The following THAP9 variants were observed in gnomAD, a reference collection of about 807,000 sequenced individuals.
THAP9 encodes the protein THAP domain containing 9, also known as DNA transposase THAP9.
Under a neutral mutation model 35.7 loss-of-function variants are expected in THAP9, and 20 were observed. The observed-to-expected ratio is 0.56, with a 90% CI of 0.39 to 0.81. THAP9 has a LOEUF of 0.81. Among genes scored for constraint, THAP9 ranks in the 40% least tolerant of loss-of-function variants. THAP9 has a pLI of 0.00. For synonymous variants in THAP9, 335 were observed against 373.7 expected (o/e 0.90, Z 1.19); for missense variants, 870 against 1,047.4 (o/e 0.83, Z 2.34).
rs1448330158 is a variant in THAP9 at position 82,904,925 on chromosome 4, A to C, written c.270A>C (p.Leu90=). 3 of 1,613,644 alleles carry C rather than the reference A, an allele frequency of 1.9e-6. No homozygotes were observed. The highest frequency in any genetic ancestry group is 1.3e-5 in the African/African-American group (1 of 74,858). The change falls in exon 2 of 5, where the codon CTA becomes CTC. Residue 90 remains leucine (L), a synonymous_variant. Transcript: ENST00000302236. ...AAGGAGCTGTGCCTTCTGTTTCTCTATACAAGGTATTTAAATGTAGGTGTA... is the reference window on the plus strand; with the variant it reads ...AAGGAGCTGTGCCTTCTGTTTCTCTCTACAAGGTATTTAAATGTAGGTGTA... The part of the protein sequence containing the change: ...LKKGAVPSVS[L]YKIPQGVHLK...
Position 82,917,578 on chromosome 4 carries a change from T to C in THAP9, c.1366T>C (p.Ser456Pro), listed in dbSNP as rs1340660162. 2 of 1,613,932 alleles carry C rather than the reference T, an allele frequency of 1.2e-6. No homozygotes were observed. The highest frequency in any genetic ancestry group is 1.7e-6 in the Non-Finnish European group (2 of 1,179,970). The change falls in exon 5 of 5, where the codon TCA (serine) becomes CCA (proline). Residue 456 changes from serine to proline, a missense_variant. Around this residue, in one of 3 missense-constraint regions of THAP9, gnomAD observed 16 missense variants for 45.5 expected, o/e 0.35. Coordinates refer to ENST00000302236, the MANE Select transcript of THAP9 (RefSeq NM_024672.6). The part of the protein sequence containing the change: ...ELVALEEQEL[S>P]NMERIPSTLA... ...AGTAGCACTGGAGGAACAGGAATTA[T>C]CAAATATGGAAAGAATACCAAGTAC...
chr4:82,904,980 T>C (rs1254057612), intron 2 of THAP9, 49 bp downstream of exon 2: 1 of 1,577,776 alleles, frequency 6.3e-7, no homozygotes, highest in Non-Finnish European at 8.6e-7. Flanking sequence ...TACAGAGCCT[T>C]TAAAAATCAA....
At chr4:82,911,983 T>C (rs763650159) in intron 4 of THAP9, among the ~76,000 whole-genome samples, 43 of 152,334 alleles carry the variant, frequency 2.8e-4, no homozygotes, top group South Asian at 6.2e-4. Flanking sequence ...TTGGTTTGGT[T>C]AGATAGGGTG....
intron 1 of THAP9, 45 bp downstream of exon 1, chr4:82,900,927 C>G (rs750980219): frequency 1.2e-5 from 19 of 1,606,494 alleles, no homozygotes; most frequent in African/African-American, 2.7e-5. Context: ...CCCTGCGGGG[C>G]CCGGCGGGCC....
chr4:82,918,548 T>A lies in THAP9; in HGVS notation c.2336T>A (p.Val779Glu), dbSNP rs752590462. 3.1e-6 allele frequency: 5 copies of A among 1,614,124 alleles called. No individual in the cohort carries two copies. In the Admixed American group the frequency reaches 8.3e-5, roughly 27 times the overall value. Residue 779 changes from valine (V) to glutamate (E), a missense_variant, in exon 5 of 5, where the codon GTA becomes GAA. Coordinates refer to ENST00000302236, the MANE Select transcript of THAP9 (RefSeq NM_024672.6). The part of the protein sequence containing the change: ...CRVINICERV[V>E]RTHSRMAIFE... ...GTCATAAATATTTGTGAGCGAGTTG[T>A]AAGAACCCATTCAAGAATGGCAATT...
intron 1 of THAP9, among the ~76,000 whole-genome samples, chr4:82,904,059 T>C (rs112955447): frequency 0.016 from 9 of 550 alleles, no homozygotes; most frequent in African/African-American, 0.035. Context: ...AGGCTCCCCC[T>C]TTTTTTTTTT....
At chr4:82,902,105 C>CTTTTTTTTTTTT (rs768693634) in intron 1 of THAP9, among the ~76,000 whole-genome samples, 1 of 104,494 alleles carries the variant, frequency 9.6e-6, no homozygotes, top group Admixed American at 1.3e-4. Flanking sequence ...CATTTTCCTT[C>CTTTTTTTTTTTT]TTTTTTTTTT....
At position 82,900,842 on chromosome 4, in the gene THAP9, G is replaced by C. The variant is rs1359836579; in HGVS notation, c.40G>C (p.Asp14His). Residue 14 changes from aspartate (D) to histidine (H), a missense_variant, in exon 1 of 5, where the codon GAC (aspartate) becomes CAC (histidine). Around this residue, in one of 3 missense-constraint regions of THAP9, gnomAD observed 440 missense variants for 501.2 expected, o/e 0.88. Coordinates refer to ENST00000302236, the MANE Select transcript of THAP9 (RefSeq NM_024672.6). ...CTCCGCAGTGGGCTGCAGCACCCGT[G>C]ACACCGTGCTCAGCCGGGAGCGCGG... The part of the protein sequence containing the change: ...SCSAVGCSTR[D>H]TVLSRERGLS... The C allele has an allele frequency of 6.2e-7, 1 of 1,613,582 alleles. No homozygotes were observed. The highest frequency in any genetic ancestry group is 1.7e-5 in the Admixed American group (1 of 60,034).
chr4:82,915,735 A>AT (rs780345567), intron 4 of THAP9, among the ~76,000 whole-genome samples: 37 of 152,158 alleles, frequency 2.4e-4, no homozygotes, highest in Non-Finnish European at 4.4e-4. Flanking sequence ...ATCCATGTAT[A>AT]TACAAGTCCT....
rs139068755 is a variant in THAP9 at position 82,906,613 on chromosome 4, G to A, written c.566G>A (p.Arg189Gln). ...TCTGAAGAAACAGAGTGTCTGCTAC[G>A]AGCTCAATTTTCAGGTACTTCCCCC... ...LLSEETECLL[R>Q]AQFSDFKWEL... Residue 189 changes from arginine (R) to glutamine (Q), a missense_variant, in exon 3 of 5, where the codon CGA becomes CAA. Around this residue, in one of 3 missense-constraint regions of THAP9, gnomAD observed 440 missense variants for 501.2 expected, o/e 0.88. Coordinates refer to ENST00000302236, the MANE Select transcript of THAP9 (RefSeq NM_024672.6). 2,939 of 1,592,772 alleles carry A rather than the reference G, an allele frequency of 1.8e-3. 7 individuals carry two copies. The highest frequency in any genetic ancestry group is 6.8e-3 in the South Asian group (594 of 87,774).
Position 82,917,076 on chromosome 4 carries a change from A to G in THAP9, c.864A>G (p.Gln288=). Reference sequence around the variant, plus strand: ...TAATAAAAAGTATGCCTCTCAAGCAACAGCTTCAGTGGGATCCTAGCAGTC... The same window carrying G: ...TAATAAAAAGTATGCCTCTCAAGCAGCAGCTTCAGTGGGATCCTAGCAGTC... ...SLLIKSMPLK[Q]QLQWDPSSHS... is the part of the protein sequence containing the mutation. The change falls in exon 5 of 5, where the codon CAA becomes CAG. Residue 288 remains glutamine, a synonymous_variant. Coordinates refer to ENST00000302236, the MANE Select transcript of THAP9 (RefSeq NM_024672.6). The G allele has an allele frequency of 6.2e-7, 1 of 1,613,592 alleles. No homozygotes were observed. Among genetic ancestry groups the G allele is most frequent in the Non-Finnish European group, 8.5e-7 (1 of 1,179,750 alleles).
chr4:82,909,439 T>TGTGTGC lies in THAP9; in HGVS notation c.731+1505_731+1506insTGTGCG, dbSNP rs1553942152. ...TTTCCTTCCTGTGTGTGTGTGTGTG[T>TGTGTGC]GCACTTAGATTTATTAGTGTTTACA... On this transcript the variant is annotated intron_variant, in intron 4 of 4. Coordinates refer to ENST00000302236, the MANE Select transcript of THAP9 (RefSeq NM_024672.6). 2.6e-5 allele frequency among the ~76,000 whole-genome samples: 4 copies of TGTGTGC among 151,948 alleles called. No homozygotes were observed. The South Asian group carries it at 8.3e-4, about 32-fold the overall frequency.
Position 82,904,917 on chromosome 4 carries a change from G to A in THAP9, c.262G>A (p.Val88Ile), listed in dbSNP as rs756068215. 1.9e-6 allele frequency: 3 copies of A among 1,614,010 alleles called. No homozygotes were observed. The highest frequency in any genetic ancestry group is 2.5e-6 in the Non-Finnish European group (3 of 1,179,988). The change falls in exon 2 of 5, where the codon GTT (valine) becomes ATT (isoleucine). Residue 88 changes from valine (V) to isoleucine (I), a missense_variant. Around this residue, in one of 3 missense-constraint regions of THAP9, gnomAD observed 440 missense variants for 501.2 expected, o/e 0.88. Transcript: ENST00000302236. ...GCTGAAAAAAGGAGCTGTGCCTTCT[G>A]TTTCTCTATACAAGGTATTTAAATG... ...RKLKKGAVPS[V>I]SLYKIPQGVH...
chr4:82,904,058 CTTTTTTT>C (rs59655406), intron 1 of THAP9, among the ~76,000 whole-genome samples: 3 of 82,206 alleles, frequency 3.6e-5, no homozygotes, highest in Non-Finnish European at 4.8e-5. Flanking sequence ...TAGGCTCCCC[CTTTTTTT>C]TTTTTTTTTT....
Position 82,918,964 on chromosome 4 carries a change from G to T in THAP9, c.*40G>T, listed in dbSNP as rs771482620. 6.9e-7 allele frequency: 1 copy of T among 1,439,568 alleles called. No homozygotes were observed. The highest frequency in any genetic ancestry group is 1.4e-5 in the South Asian group (1 of 69,820). The allele number at this position is 1,439,568 out of a possible 1,614,324, so 89.2% of individuals were successfully genotyped here. A position where few individuals can be genotyped will look rare whatever the true frequency, so the allele number is the denominator to read the frequency against. Reference sequence around the variant, plus strand: ...ATTAACATTTTAATTAAGAATACTTGATCAACATTTTTTGAAGTTCAATTT... The same window carrying T: ...ATTAACATTTTAATTAAGAATACTTTATCAACATTTTTTGAAGTTCAATTT... On this transcript the variant is annotated 3_prime_UTR_variant, in exon 5 of 5. Coordinates refer to ENST00000302236, the MANE Select transcript of THAP9 (RefSeq NM_024672.6).
intron 1 of THAP9, among the ~76,000 whole-genome samples, chr4:82,901,992 A>G (rs1419796824): frequency 6.6e-6 from 1 of 152,118 alleles, no homozygotes; most frequent in African/African-American, 2.4e-5. Flanking sequence ...TTTATAGCAT[A>G]TGTAACGCAC....
rs1312941215 is a variant in THAP9, at chr4:82,919,055, T to G, written c.*131T>G. 2.7e-6 allele frequency: 2 copies of G among 727,420 alleles called. No individual in the cohort carries two copies. The highest frequency in any genetic ancestry group is 3.6e-5 in the African/African-American group (2 of 56,048). The allele number at this position is 727,420 out of a possible 1,614,324, so 45.1% of individuals were successfully genotyped here. A position where few individuals can be genotyped will look rare whatever the true frequency, so the allele number is the denominator to read the frequency against. On this transcript the variant is annotated 3_prime_UTR_variant, in exon 5 of 5. Transcript: ENST00000302236. Reference sequence around the variant, plus strand: ...TTTGCAATTCTGACTTATTAAAATTTCAAATTCTGCATATCACAAAATCTC... The same window carrying G: ...TTTGCAATTCTGACTTATTAAAATTGCAAATTCTGCATATCACAAAATCTC...
Position 82,907,818 on chromosome 4 carries a change from C to T in THAP9, c.614C>T (p.Thr205Ile). The T allele has an allele frequency of 1.9e-6, 3 of 1,600,088 alleles. No individual in the cohort carries two copies. The highest frequency in any genetic ancestry group is 2.6e-6 in the Non-Finnish European group (3 of 1,175,408). The change falls in exon 4 of 5, where the codon ACA becomes ATA. Residue 205 changes from threonine to isoleucine, a missense_variant. Physicochemically the swap from Thr to Ile is moderately conservative, Grantham distance 89. Around this residue, in one of 3 missense-constraint regions of THAP9, gnomAD observed 440 missense variants for 501.2 expected, o/e 0.88. Transcript: ENST00000302236. Reference protein sequence around the residue: ...FKWELYNWRETDEYSAEMKQF... With the variant: ...FKWELYNWREIDEYSAEMKQF... ...TGGGAGTTATATAATTGGAGAGAAA[C>T]AGATGAGTACTCCGCAGAAATGAAA...
At chr4:82,907,520 T>G (rs562333339) in intron 3 of THAP9, among the ~76,000 whole-genome samples, 6 of 152,184 alleles carry the variant, frequency 3.9e-5, no homozygotes, top group Admixed American at 1.3e-4. Flanking sequence ...CCTCTAAAAA[T>G]CTCTCCTCTC....
Sources: gnomAD v4.1 joint callset for allele counts (sites outside exome capture counted in the v4.1 genomes callset) on GRCh38, gnomAD v4.1.1 for gene constraint, gnomAD v4.1.1 regional missense constraint, MANE v1.5 for transcripts, NCBI Gene and HGNC (gene_info 2026-07-23, HGNC 2026-07-21) for gene names.